PRDM5: variants seen among roughly 807,000 people sequenced by gnomAD.
PRDM5 encodes the protein PR domain zinc finger protein 5.
PRDM5 carries 56 observed loss-of-function variants against 81.2 expected under a neutral mutation model. That is an observed-to-expected ratio of 0.69 (90% CI 0.56 to 0.86). The LOEUF is 0.86. PRDM5 is among the 40% of genes least tolerant of loss of function. PRDM5 has a pLI of 0.00. For missense variants in PRDM5, 697 were observed against 770.1 expected, an observed-to-expected ratio of 0.91 and a Z score of 1.12; for synonymous variants, 267 against 256.4, an observed-to-expected ratio of 1.04 and a Z score of -0.39.
At chr4:120,741,405 G>A (rs1194121846) in intron 14 of PRDM5, among the ~76,000 whole-genome samples, 1 of 151,526 alleles carries the variant, frequency 6.6e-6, no homozygotes, top group African/African-American at 2.4e-5. Context: ...CAAAATTTTT[G>A]GTTATCAGGG....
chr4:120,694,981 A>G lies in PRDM5; in HGVS notation c.*130T>C. 2 of 1,113,854 alleles carry G rather than the reference A, an allele frequency of 1.8e-6. No homozygotes were observed. The highest frequency in any genetic ancestry group is 2.7e-6 in the Non-Finnish European group (2 of 740,340). The allele number at this position is 1,113,854 out of a possible 1,614,324, so 69.0% of individuals were successfully genotyped here. Reference sequence around the variant, plus strand: ...TTGCATATGCATCTACAGACTCTAAATGTAGGCAAATAAGAACTATGAGAC... The same window carrying G: ...TTGCATATGCATCTACAGACTCTAAGTGTAGGCAAATAAGAACTATGAGAC... On this transcript the variant is annotated 3_prime_UTR_variant, in exon 16 of 16. Transcript: ENST00000264808.
intron 14 of PRDM5, among the ~76,000 whole-genome samples, chr4:120,738,361 T>A (rs1416233769): frequency 6.6e-6 from 1 of 152,270 alleles, no homozygotes; most frequent in East Asian, 1.9e-4. Context: ...ATGAACCTAT[T>A]CACTTTAGCC....
chr4:120,877,676 A>C (rs1344194315), intron 2 of PRDM5, among the ~76,000 whole-genome samples: 1 of 152,172 alleles, frequency 6.6e-6, no homozygotes, highest in Non-Finnish European at 1.5e-5. Context: ...ATGGTGGCAC[A>C]GTCATTTGAT....
intron 5 of PRDM5, among the ~76,000 whole-genome samples, chr4:120,817,449 T>C (rs1754679547): frequency 1.3e-5 from 2 of 152,118 alleles, no homozygotes; most frequent in Admixed American, 6.5e-5. Flanking sequence ...ATAAGTAAGG[T>C]AACATTCTGT....
At chr4:120,840,211 C>T (rs1388121319) in intron 3 of PRDM5, among the ~76,000 whole-genome samples, 22 of 152,178 alleles carry the variant, frequency 1.4e-4, no homozygotes. Flanking sequence ...TCCAGGTTCT[C>T]GCCGGGCTGG....
At chr4:120,738,125 A>G (rs772855626) in intron 14 of PRDM5, among the ~76,000 whole-genome samples, 2 of 152,248 alleles carry the variant, frequency 1.3e-5, no homozygotes, top group Non-Finnish European at 1.5e-5. Flanking sequence ...ATTAACAAAG[A>G]AAGTCCCAAA....
At chr4:120,784,570 C>G (rs1329764437) in intron 11 of PRDM5, among the ~76,000 whole-genome samples, 1 of 152,084 alleles carries the variant, frequency 6.6e-6, no homozygotes. Flanking sequence ...ATTAGATGTG[C>G]ACTCTGATCC....
Position 120,741,306 on chromosome 4 carries a change from T to A in PRDM5, c.1623+13247A>T, listed in dbSNP as rs146477690. ...AGCCCTCACTCCTCCTGCCTTAACA[T>A]CTTAATTCAAATAGAATGAACCTTT... On this transcript the variant is annotated intron_variant, in intron 14 of 15. Transcript: ENST00000264808. Among the ~76,000 whole-genome samples, 27 of 152,196 alleles carry A rather than the reference T, an allele frequency of 1.8e-4. 1 individual carries two copies. The East Asian group carries it at 5.2e-3, about 30-fold the overall frequency.
chr4:120,742,965 G>A (rs1177253814), intron 14 of PRDM5, among the ~76,000 whole-genome samples: 5 of 151,902 alleles, frequency 3.3e-5, no homozygotes, highest in African/African-American at 1.2e-4. Context: ...GCAACTCCAA[G>A]ACACATAATT....
At chr4:120,737,689 G>T (rs1009087174) in intron 14 of PRDM5, among the ~76,000 whole-genome samples, 1 of 152,166 alleles carries the variant, frequency 6.6e-6, no homozygotes, top group African/African-American at 2.4e-5. Flanking sequence ...TAGTGAGAAG[G>T]AATTGCTGAT....
At chr4:120,717,071 A>AAAC (rs201467920) in intron 14 of PRDM5, among the ~76,000 whole-genome samples, 7,766 of 151,966 alleles carry the variant, frequency 0.051, 273 homozygotes, top group East Asian at 0.1. Context: ...TGAAAAAAAA[A>AAAC]AAAAAAAACT....
At chr4:120,882,412 T>C (rs1402016817) in intron 2 of PRDM5, among the ~76,000 whole-genome samples, 1 of 152,138 alleles carries the variant, frequency 6.6e-6, no homozygotes, top group East Asian at 1.9e-4. Context: ...CCTCCCAAAG[T>C]GCTGGGATTA....
chr4:120,901,673 T>C (rs1479764053), intron 2 of PRDM5, among the ~76,000 whole-genome samples: 1 of 152,238 alleles, frequency 6.6e-6, no homozygotes, highest in African/African-American at 2.4e-5. Flanking sequence ...GCATAAGTTA[T>C]GGATGATATA....
rs571337751 is a variant in PRDM5 at position 120,779,238 on chromosome 4, AAAGACATTAAAGGTAT to A, written c.1443+1889_1443+1904del. On this transcript the variant is annotated intron_variant, in intron 12 of 15. Coordinates refer to ENST00000264808, the MANE Select transcript of PRDM5 (RefSeq NM_018699.4). ...TTCCAATTTTGGTTAGCTAGTTTCA[AAAGACATTAAAGGTAT>A]AATACTAAACTACCTTAAATATGAA... Among the ~76,000 whole-genome samples, 327 of 152,264 alleles carry A rather than the reference AAAGACATTAAAGGTAT, an allele frequency of 2.1e-3. 1 individual carries two copies. The highest frequency in any genetic ancestry group is 7.2e-3 in the African/African-American group (301 of 41,570).
intron 14 of PRDM5, among the ~76,000 whole-genome samples, chr4:120,750,763 G>C (rs907304538): frequency 1.3e-5 from 2 of 151,446 alleles, no homozygotes; most frequent in Non-Finnish European, 2.9e-5. Context: ...TGTTACACTT[G>C]AAAAGCAAAC....
At chr4:120,826,284 T>C (rs996843825) in intron 3 of PRDM5, among the ~76,000 whole-genome samples, 2 of 152,190 alleles carry the variant, frequency 1.3e-5, no homozygotes, top group Non-Finnish European at 2.9e-5. Flanking sequence ...ACTGCAAAGA[T>C]GCCACTTGGC....
chr4:120,777,619 C>A (rs1004532685), intron 12 of PRDM5, among the ~76,000 whole-genome samples: 7 of 152,122 alleles, frequency 4.6e-5, no homozygotes, highest in African/African-American at 1.7e-4. Context: ...CCCTTCCCAG[C>A]TGCCAAGAAA....
chr4:120,816,334 A>G, intron 7 of PRDM5, 119 bp downstream of exon 7: 1 of 1,541,224 alleles, frequency 6.5e-7, no homozygotes. Context: ...AGCGCTCCAC[A>G]TCTGTGTGAA....
chr4:120,708,244 T>C (rs1019306806), intron 15 of PRDM5, among the ~76,000 whole-genome samples: 5 of 152,066 alleles, frequency 3.3e-5, no homozygotes, highest in African/African-American at 1.2e-4. Flanking sequence ...GAAAGAAGTG[T>C]CCAACAACAG....
Sources: allele counts gnomAD v4.1 joint callset (sites outside exome capture counted in the v4.1 genomes callset), GRCh38; gene constraint gnomAD v4.1.1; transcripts MANE v1.5; gene names NCBI Gene and HGNC (gene_info 2026-07-23, HGNC 2026-07-21).